Variants in EHMT1 observed in about 807,000 individuals in gnomAD.
The protein encoded by EHMT1 is euchromatic histone lysine methyltransferase 1.
A neutral mutation model predicts 147.2 loss-of-function variants in EHMT1; 15 were observed. The ratio of observed to expected loss-of-function variants is 0.10; its 90% CI spans 0.07 to 0.16. The LOEUF (loss-of-function observed/expected upper bound fraction) is 0.16. EHMT1 is among the 10% of genes least tolerant of loss of function. EHMT1 has a pLI of 1.00. For synonymous variants in EHMT1, 795 were observed against 709.6 expected, an observed-to-expected ratio of 1.12 and a Z score of -1.91; for missense variants, 1,587 against 1,772.4, an observed-to-expected ratio of 0.90 and a Z score of 1.88.
At chr9:137,758,464 A>T (rs1949552902) in intron 9 of EHMT1, among the ~76,000 whole-genome samples, 1 of 152,132 alleles carries the variant, frequency 6.6e-6, no homozygotes, top group South Asian at 2.1e-4. Flanking sequence ...GTATTTTTGT[A>T]CCTCTAAATC....
At chr9:137,817,871 T>TCA (rs1241729850) in intron 24 of EHMT1, 189 bp from the exon 25 acceptor site, 2 of 658,138 alleles carry the variant, frequency 3.0e-6, no homozygotes, top group African/African-American at 3.6e-5. Flanking sequence ...TTCGGTATCG[T>TCA]TATCATCATC....
chr9:137,753,170 G>T (rs1949108692), intron 7 of EHMT1, among the ~76,000 whole-genome samples: 1 of 152,096 alleles, frequency 6.6e-6, no homozygotes, highest in African/African-American at 2.4e-5. Flanking sequence ...GGAAAGCTCG[G>T]CAAGTTTGGG....
At chr9:137,632,444 T>C (rs1250827952) in intron 1 of EHMT1, among the ~76,000 whole-genome samples, 1 of 152,164 alleles carries the variant, frequency 6.6e-6, no homozygotes, top group Admixed American at 6.5e-5. Flanking sequence ...TTTTTTTGTT[T>C]TTGTTTTTGA....
At chr9:137,822,064 C>T (rs1377027810) in intron 25 of EHMT1, among the ~76,000 whole-genome samples, 1 of 152,222 alleles carries the variant, frequency 6.6e-6, no homozygotes, top group Non-Finnish European at 1.5e-5. Flanking sequence ...ATTTCTGTCA[C>T]CCCCAAATCC....
chr9:137,833,662 C>T (rs1255838014), intron 25 of EHMT1, among the ~76,000 whole-genome samples: 5 of 152,264 alleles, frequency 3.3e-5, no homozygotes, highest in Non-Finnish European at 7.3e-5. Context: ...AGGCCAGTGC[C>T]AGGGGCCAGG....
chr9:137,726,078 G>T (rs1946594143), intron 3 of EHMT1, among the ~76,000 whole-genome samples: 1 of 138,318 alleles, frequency 7.2e-6, no homozygotes, highest in Non-Finnish European at 1.5e-5. Flanking sequence ...GTTGATGCAG[G>T]TGCCTTGTCG....
rs1487688531 is a variant in EHMT1, at chr9:137,814,770, A to C, written c.3258+262A>C. 8.4e-6 allele frequency: 5 copies of C among 593,778 alleles called. 1 individual carries two copies. The Admixed American group carries it at 1.1e-4, about 13-fold the overall frequency. The allele number at this position is 593,778 out of a possible 1,614,324, so 36.8% of individuals were successfully genotyped here. Reference sequence around the variant, plus strand: ...TGCCTGGATGGTGGCGGGGGTGGGCAGCGTCAGCCTGGCTTGGCCCCAGGA... The same window carrying C: ...TGCCTGGATGGTGGCGGGGGTGGGCCGCGTCAGCCTGGCTTGGCCCCAGGA... On this transcript the variant is annotated intron_variant, in intron 22 of 26. Coordinates refer to ENST00000460843, the MANE Select transcript of EHMT1 (RefSeq NM_024757.5).
In EHMT1 at chr9:137,813,691, G is replaced by A. The variant is rs116963589; in HGVS notation, c.3180+161G>A. 6.6e-6 allele frequency among the ~76,000 whole-genome samples: 1 copy of A among 152,126 alleles called. No homozygotes were observed. The highest frequency in any genetic ancestry group is 1.5e-5 in the Non-Finnish European group (1 of 68,030). On this transcript the variant is annotated intron_variant, in intron 21 of 26. Coordinates refer to ENST00000460843, the MANE Select transcript of EHMT1 (RefSeq NM_024757.5). The surrounding 1 kb of genome is among the most constrained non-coding windows in gnomAD (Gnocchi z 4.9). ...CTTTGTAGTTGCCTCCCGTGAAAGA[G>A]CTGGAAGGCAGATAAAGGTTCTGTC... is the stretch of plus-strand genomic sequence containing the variant.
chr9:137,694,415 A>G (rs1943225654), intron 1 of EHMT1, among the ~76,000 whole-genome samples: 1 of 151,616 alleles, frequency 6.6e-6, no homozygotes, highest in South Asian at 2.1e-4. Flanking sequence ...ACACTGGCCG[A>G]TACCCACCAT....
At chr9:137,694,678 G>T (rs1943249771) in intron 1 of EHMT1, among the ~76,000 whole-genome samples, 1 of 152,234 alleles carries the variant, frequency 6.6e-6, no homozygotes, top group African/African-American at 2.4e-5. Flanking sequence ...TGAGCCATGT[G>T]CCAGTCAGCA....
At chr9:137,771,762 CGTCGGGCAGA>C (rs1489697878) in intron 10 of EHMT1, among the ~76,000 whole-genome samples, 1 of 152,150 alleles carries the variant, frequency 6.6e-6, no homozygotes, top group Non-Finnish European at 1.5e-5. Context: ...GCTCGGGCAG[CGTCGGGCAGA>C]GAGGGTGCCA....
Position 137,813,949 on chromosome 9 carries a change from G to A in EHMT1, c.3180+419G>A, listed in dbSNP as rs1171291158. ...GCACATGCCAGCTTTCCCAGCCTCC[G>A]AGTGCATGCAGCCTGGTGCCCTCAC... On this transcript the variant is annotated intron_variant, in intron 21 of 26. Coordinates refer to ENST00000460843, the MANE Select transcript of EHMT1 (RefSeq NM_024757.5). The surrounding 1 kb of genome is among the most constrained non-coding windows in gnomAD (Gnocchi z 4.9). 4.0e-5 allele frequency among the ~76,000 whole-genome samples: 6 copies of A among 151,718 alleles called. No individual in the cohort carries two copies. The East Asian group carries it at 5.8e-4, about 15-fold the overall frequency.
At chr9:137,659,046 G>A (rs896218152) in intron 1 of EHMT1, among the ~76,000 whole-genome samples, 12 of 151,954 alleles carry the variant, frequency 7.9e-5, no homozygotes, top group South Asian at 2.1e-4. Flanking sequence ...TGTGTAAAAC[G>A]GCATGTCATT....
chr9:137,693,622 TCA>T (rs1943132317), intron 1 of EHMT1, among the ~76,000 whole-genome samples: 2 of 49,490 alleles, frequency 4.0e-5, no homozygotes, highest in African/African-American at 8.4e-5. Context: ...ACACAGTGGC[TCA>T]GGACGCTGGC....
chr9:137,720,545 TGCCCTCCTCGGCATCC>T (rs1945845091), intron 3 of EHMT1, among the ~76,000 whole-genome samples: 1 of 152,174 alleles, frequency 6.6e-6, no homozygotes, highest in South Asian at 2.1e-4. Context: ...TCAAGTGATC[TGCCCTCCTCGGCATCC>T]CAAAGTGCTG....
chr9:137,631,032 A>G (rs1464267481), intron 1 of EHMT1, among the ~76,000 whole-genome samples: 1 of 152,262 alleles, frequency 6.6e-6, no homozygotes, highest in East Asian at 1.9e-4. Flanking sequence ...TGGGTTAGTC[A>G]TGATATAGGT....
intron 1 of EHMT1, among the ~76,000 whole-genome samples, chr9:137,623,023 A>G (rs1483509503): frequency 6.6e-6 from 1 of 151,782 alleles, no homozygotes; most frequent in Non-Finnish European, 1.5e-5. Context: ...ATCCTGGCTA[A>G]CACACAGTGA....
intron 10 of EHMT1, among the ~76,000 whole-genome samples, chr9:137,771,539 G>C (rs7030367): frequency 0.049 from 7,444 of 152,166 alleles, 603 homozygotes; most frequent in African/African-American, 0.17. Flanking sequence ...ACACTTCTCT[G>C]TCTGCACGTC....
intron 10 of EHMT1, among the ~76,000 whole-genome samples, chr9:137,766,116 A>C (rs555447066): frequency 9.2e-5 from 14 of 152,134 alleles, no homozygotes; most frequent in African/African-American, 3.1e-4. Flanking sequence ...ACAGCCTTAC[A>C]AGTTTGGCCC....
Sources: allele counts gnomAD v4.1 joint callset (sites outside exome capture counted in the v4.1 genomes callset), GRCh38; gene constraint gnomAD v4.1.1; non-coding constraint Gnocchi (gnomAD v3.1); transcripts MANE v1.5; gene names NCBI Gene and HGNC (gene_info 2026-07-23, HGNC 2026-07-21).